Variants in CFAP52 observed in about 807,000 individuals in gnomAD.
CFAP52 encodes cilia and flagella associated protein 52, also known as cilia- and flagella-associated protein 52.
In CFAP52, 57 loss-of-function variants were observed where a neutral mutation model predicts 70.5. The ratio of observed to expected loss-of-function variants is 0.81; its 90% CI spans 0.65 to 1.01. The LOEUF is 1.01. Among genes scored for constraint, CFAP52 ranks in the 50% least tolerant of loss-of-function variants. CFAP52 has a pLI of 0.00. For synonymous variants in CFAP52, 267 were observed against 292.5 expected, an observed-to-expected ratio of 0.91 and a Z score of 0.89; for missense variants, 785 against 788.5, an observed-to-expected ratio of 1.00 and a Z score of 0.05.
chr17:9,577,411 G>T (rs2151922913), intron 1 of CFAP52, among the ~76,000 whole-genome samples: 1 of 152,300 alleles, frequency 6.6e-6, no homozygotes, highest in South Asian at 2.1e-4. Context: ...ATTTGTGACT[G>T]CCTATTGTTT....
intron 6 of CFAP52, among the ~76,000 whole-genome samples, chr17:9,607,627 G>C (rs2151940040): frequency 6.6e-6 from 1 of 152,356 alleles, no homozygotes; most frequent in Middle Eastern, 3.4e-3. Flanking sequence ...TGGTCCCTTT[G>C]CATTTGTAAG....
At chr17:9,580,416 G>A (rs898783581) in intron 1 of CFAP52, among the ~76,000 whole-genome samples, 14 of 151,958 alleles carry the variant, frequency 9.2e-5, no homozygotes, top group African/African-American at 2.9e-4. Context: ...GTTCATGTGC[G>A]GTGGCTCACA....
chr17:9,631,073 A>C (rs1395589992), intron 9 of CFAP52, among the ~76,000 whole-genome samples: 1 of 135,982 alleles, frequency 7.4e-6, no homozygotes, highest in East Asian at 2.9e-4. Context: ...AAAGAAAGAA[A>C]GAAAGAAAGA....
intron 10 of CFAP52, among the ~76,000 whole-genome samples, chr17:9,634,342 T>G (rs1597795369): frequency 6.6e-6 from 1 of 152,176 alleles, no homozygotes; most frequent in East Asian, 1.9e-4. Flanking sequence ...TGACAGATCC[T>G]TTGTCCATTA....
chr17:9,609,073 T>C lies in CFAP52; in HGVS notation c.854+854T>C, dbSNP rs1909619851. On this transcript the variant is annotated intron_variant, in intron 7 of 13. Coordinates refer to ENST00000352665, the MANE Select transcript of CFAP52 (RefSeq NM_145054.5). ...ACAAAAACCAGATACCCCACACATG[T>C]GCTTTATGGCCTCTGCTACCCCCAG... Among the ~76,000 whole-genome samples the C allele has an allele frequency of 2.0e-5, 3 of 152,168 alleles. No individual in the cohort carries two copies. In the South Asian group the frequency reaches 6.2e-4, roughly 32 times the overall value.
At position 9,585,780 on chromosome 17, in the gene CFAP52, G is replaced by A. The variant is rs2151927803; in HGVS notation, c.78G>A (p.Val26=). ...LDAVIGFNGH[V]PTGLKCHPDQ... ...TGAATCTCTCTCTTTTAGGACATGT[G>A]CCCACTGGTCTCAAATGCCATCCTG... The change falls in exon 2 of 14, where the codon GTG becomes GTA. Residue 26 remains valine, a synonymous_variant. Transcript: ENST00000352665. 6.2e-7 allele frequency: 1 copy of A among 1,613,952 alleles called. No individual in the cohort carries two copies. Among genetic ancestry groups the A allele is most frequent in the African/African-American group, 1.3e-5 (1 of 74,970 alleles).
chr17:9,631,682 G>A (rs1055629730), intron 9 of CFAP52, among the ~76,000 whole-genome samples: 2 of 152,098 alleles, frequency 1.3e-5, no homozygotes, highest in African/African-American at 4.8e-5. Flanking sequence ...GGGGTTGGGG[G>A]TCGGGCACAA....
At chr17:9,628,542 G>T in intron 8 of CFAP52, 130 bp from the exon 9 acceptor site, 2 of 1,262,436 alleles carry the variant, frequency 1.6e-6, no homozygotes, top group Non-Finnish European at 2.2e-6. Context: ...CTCCCAAAGT[G>T]CTGGGATTAC....
At chr17:9,591,515 C>T (rs953896827) in intron 3 of CFAP52, among the ~76,000 whole-genome samples, 4 of 152,160 alleles carry the variant, frequency 2.6e-5, no homozygotes, top group African/African-American at 9.7e-5. Context: ...TTCCATTGTA[C>T]AGATGTGCTG....
chr17:9,580,770 G>T (rs1050159574), intron 1 of CFAP52, among the ~76,000 whole-genome samples: 1 of 151,966 alleles, frequency 6.6e-6, no homozygotes, highest in Non-Finnish European at 1.5e-5. Context: ...AAAAAAAAGG[G>T]TAATATAATA....
downstream of CFAP52, chr17:9,645,122 A>C (rs986492558): frequency 6.5e-6 from 1 of 152,690 alleles, no homozygotes; most frequent in African/African-American, 2.4e-5. This position sits in a 1 kb window ranked among gnomAD's most constrained non-coding sequence, Gnocchi z 6.8. Context: ...AGCGGTGCAC[A>C]AAAGCGCTCC....
At chr17:9,615,792 ATTCTTTTTT>A (rs1234893714) in intron 8 of CFAP52, among the ~76,000 whole-genome samples, 12 of 88,338 alleles carry the variant, frequency 1.4e-4, no homozygotes, top group African/African-American at 4.7e-4. Flanking sequence ...CAAAAAAAAA[ATTCTTTTTT>A]TTTTTTTTTT....
intron 4 of CFAP52, chr17:9,597,504 T>A (rs1427021906): frequency 6.6e-6 from 1 of 152,084 alleles, no homozygotes; most frequent in Non-Finnish European, 1.5e-5. Context: ...TTTTTACTTG[T>A]CAATTAGAAA....
intron 4 of CFAP52, among the ~76,000 whole-genome samples, chr17:9,596,059 G>GTGTA (rs1555541607): frequency 2.0e-4 from 17 of 85,208 alleles, no homozygotes; most frequent in South Asian, 4.5e-4. Context: ...ATATGTGTGT[G>GTGTA]TATATATATA....
intron 1 of CFAP52, among the ~76,000 whole-genome samples, chr17:9,585,482 C>A (rs1021199310): frequency 6.6e-6 from 1 of 152,098 alleles, no homozygotes; most frequent in Non-Finnish European, 1.5e-5. Context: ...GCCTGACCAA[C>A]ATGGTGAAAC....
intron 9 of CFAP52, among the ~76,000 whole-genome samples, chr17:9,631,052 G>GAAAGAAAGAAAGAA (rs1555544296): frequency 0.035 from 1,322 of 37,920 alleles, 85 homozygotes; most frequent in Admixed American, 0.044. Context: ...GAGAGAGAGA[G>GAAAGAAAGAAAGAA]AGAAAGAAAG....
intron 9 of CFAP52, among the ~76,000 whole-genome samples, chr17:9,631,455 A>G (rs1431673566): frequency 6.6e-6 from 1 of 152,190 alleles, no homozygotes; most frequent in Non-Finnish European, 1.5e-5. Context: ...TGCTAAGGTC[A>G]AGAGGTGACA....
At position 9,635,427 on chromosome 17, in the gene CFAP52, G is replaced by T. The variant is rs1438323083; in HGVS notation, c.1343G>T (p.Cys448Phe). Residue 448 changes from cysteine to phenylalanine, a missense_variant, in exon 11 of 14, where the codon TGT becomes TTT. Physicochemically the swap from Cys to Phe is radical, Grantham distance 205. Coordinates refer to ENST00000352665, the MANE Select transcript of CFAP52 (RefSeq NM_145054.5). ...EGEVRVWQIG[C>F]QTQKLEEALK... ...CAGGTGAGGGTATGGCAGATAGGCT[G>T]TCAGACCCAGAAGCTGGAGGAGGCC... The T allele has an allele frequency of 5.0e-6, 8 of 1,614,024 alleles. No individual in the cohort carries two copies. Among genetic ancestry groups the T allele is most frequent in the Non-Finnish European group, 6.8e-6 (8 of 1,180,044 alleles).
intron 4 of CFAP52, among the ~76,000 whole-genome samples, chr17:9,596,068 T>C (rs1237313251): frequency 8.6e-6 from 1 of 115,772 alleles, no homozygotes; most frequent in Non-Finnish European, 1.7e-5. Flanking sequence ...TGTATATATA[T>C]ATATATATAT....
Sources: gnomAD v4.1 joint callset for allele counts (sites outside exome capture counted in the v4.1 genomes callset) on GRCh38, gnomAD v4.1.1 for gene constraint, Gnocchi (gnomAD v3.1) non-coding constraint, MANE v1.5 for transcripts, NCBI Gene and HGNC (gene_info 2026-07-23, HGNC 2026-07-21) for gene names.